Variants in UBE2F observed in about 807,000 individuals in gnomAD.
UBE2F encodes NEDD8-conjugating enzyme UBE2F.
Under a neutral mutation model 29.6 loss-of-function variants are expected in UBE2F, and 5 were observed. The observed-to-expected ratio is 0.17, with a 90% CI of 0.09 to 0.36. The LOEUF (loss-of-function observed/expected upper bound fraction) is 0.36, where lower values mean the gene tolerates loss of function less well. Ranked by LOEUF, UBE2F falls within the 10% of genes least tolerant of loss-of-function variation. UBE2F has a pLI of 1.00. For synonymous variants in UBE2F, 66 were observed against 81.8 expected (o/e 0.81, Z 1.04); for missense variants, 141 against 228.5 (o/e 0.62, Z 2.47).
At position 238,042,558 on chromosome 2, in the gene UBE2F, G is replaced by T. The variant is rs2064853449; in HGVS notation, c.*1220G>T. ...CTCCAGCATGTAGACATTTGAACCA[G>T]TGAAATCAAACACAAAATAAATGTC... On this transcript the variant is annotated 3_prime_UTR_variant, in exon 10 of 10. Transcript: ENST00000272930. 1 of 152,264 alleles carries T rather than the reference G, an allele frequency of 6.6e-6. No individual in the cohort carries two copies. Among genetic ancestry groups the T allele is most frequent in the South Asian group, 2.1e-4 (1 of 4,828 alleles). The allele number at this position is 152,264 out of a possible 1,614,324, so 9.4% of individuals were successfully genotyped here.
chr2:237,984,775 T>TTTTTG (rs2063445189), intron 2 of UBE2F, among the ~76,000 whole-genome samples: 1 of 152,080 alleles, frequency 6.6e-6, no homozygotes, highest in Non-Finnish European at 1.5e-5. Context: ...AACAAGAAGG[T>TTTTTG]TTTTGTTTTG....
At chr2:237,990,402 CCTT>C (rs1022263232) in intron 3 of UBE2F, 1 of 453,128 alleles carries the variant, frequency 2.2e-6, no homozygotes, top group African/African-American at 2.1e-5. Context: ...TACATGTAAA[CCTT>C]TTTTTTTTTT....
At chr2:237,994,950 A>G in intron 4 of UBE2F, 141 bp downstream of exon 4, 1 of 653,952 alleles carries the variant, frequency 1.5e-6, no homozygotes, top group Non-Finnish European at 2.7e-6. Context: ...AAGATAAGAT[A>G]TATACTTCAT....
chr2:237,983,617 A>G (rs919109959), intron 2 of UBE2F, among the ~76,000 whole-genome samples: 3 of 152,022 alleles, frequency 2.0e-5, no homozygotes, highest in African/African-American at 7.2e-5. Context: ...TCTGGCCTCC[A>G]TTGCCCCTTC....
chr2:238,016,694 G>T, intron 5 of UBE2F, 61 bp downstream of exon 5: 1 of 1,462,416 alleles, frequency 6.8e-7, no homozygotes, highest in Admixed American at 1.9e-5. Flanking sequence ...TGTGGCTGTG[G>T]CCCGCCACTG....
At position 238,022,493 on chromosome 2, in the gene UBE2F, G is replaced by A. The variant is rs146887120; in HGVS notation, c.283-2849G>A. On this transcript the variant is annotated intron_variant, in intron 5 of 9. Coordinates refer to ENST00000272930, the MANE Select transcript of UBE2F (RefSeq NM_080678.3). ...ATACTTTCTTTGTTTTGCATTTGCC[G>A]TCTTTAGTCGTTGTTCTATACAAGT... Among the ~76,000 whole-genome samples the A allele has an allele frequency of 9.5e-4, 144 of 152,040 alleles. 1 individual carries two copies. The highest frequency in any genetic ancestry group is 3.3e-3 in the African/African-American group (138 of 41,450).
At chr2:238,007,512 T>C (rs2063933170) in intron 4 of UBE2F, among the ~76,000 whole-genome samples, 1 of 55,860 alleles carries the variant, frequency 1.8e-5, no homozygotes. Flanking sequence ...TGTATATGTA[T>C]GTATGTATTT....
intron 4 of UBE2F, among the ~76,000 whole-genome samples, chr2:238,010,653 C>T (rs1230713974): frequency 6.6e-6 from 1 of 152,198 alleles, no homozygotes; most frequent in Non-Finnish European, 1.5e-5. Flanking sequence ...AACCTCAAGG[C>T]TTCACCCTGT....
intron 4 of UBE2F, 105 bp downstream of exon 4, chr2:237,994,914 T>C (rs2063660304): frequency 1.2e-6 from 1 of 802,676 alleles, no homozygotes; most frequent in Admixed American, 2.2e-5. Flanking sequence ...TTTAAAAGAT[T>C]AACACATTAA....
chr2:238,025,533 G>C (rs1056229373), intron 6 of UBE2F, 121 bp downstream of exon 6: 103 of 892,300 alleles, frequency 1.2e-4, no homozygotes, highest in Non-Finnish European at 1.8e-4. Flanking sequence ...GGAAGGGCTT[G>C]AACTCAGCTG....
rs1301672462 is a variant in UBE2F, at chr2:238,038,360, G to A, written c.507+2420G>A. Among the ~76,000 whole-genome samples the A allele has an allele frequency of 4.6e-5, 7 of 152,198 alleles. No homozygotes were observed. The East Asian group carries it at 5.8e-4, about 13-fold the overall frequency. On this transcript the variant is annotated intron_variant, in intron 9 of 9. Transcript: ENST00000272930. ...CTCCCCATGGGGGCAATCAGTCCCC[G>A]ACCCCTGCCATCCGTCGGTGGTCCT...
intron 6 of UBE2F, among the ~76,000 whole-genome samples, chr2:238,025,722 G>T (rs965230787): frequency 3.3e-5 from 5 of 152,186 alleles, no homozygotes; most frequent in Non-Finnish European, 5.9e-5. Flanking sequence ...TTACATGAGA[G>T]ACCACATTCC....
intron 6 of UBE2F, among the ~76,000 whole-genome samples, chr2:238,029,420 C>T (rs1173387780): frequency 2.6e-5 from 4 of 152,038 alleles, no homozygotes; most frequent in Non-Finnish European, 5.9e-5. Flanking sequence ...AACCCCGTCT[C>T]TACTAAAAAT....
At chr2:237,981,720 G>C (rs1172271142) in intron 2 of UBE2F, among the ~76,000 whole-genome samples, 2 of 141,404 alleles carry the variant, frequency 1.4e-5, no homozygotes, top group African/African-American at 5.2e-5. Flanking sequence ...TCTGCCTCTT[G>C]GGCTCAAGTG....
chr2:238,009,188 A>T (rs1191000383), intron 4 of UBE2F, among the ~76,000 whole-genome samples: 1 of 152,228 alleles, frequency 6.6e-6, no homozygotes, highest in Non-Finnish European at 1.5e-5. Flanking sequence ...CAGTTTGATT[A>T]TAATGTGCTT....
Position 237,998,612 on chromosome 2 carries a change from C to CT in UBE2F, c.214+3819dup, listed in dbSNP as rs34852748. Among the ~76,000 whole-genome samples the CT allele has an allele frequency of 5.7e-3, 801 of 140,238 alleles. 5 individuals are homozygous for CT. The highest frequency in any genetic ancestry group is 8.6e-3 in the Non-Finnish European group (550 of 64,156). The allele number at this position is 140,238 out of a possible 152,430, so 92.0% of individuals were successfully genotyped here. A position where few individuals can be genotyped will look rare whatever the true frequency, so the allele number is the denominator to read the frequency against. On this transcript the variant is annotated intron_variant, in intron 4 of 9. Transcript: ENST00000272930. ...AGCTATGAGGTTTGACTGCCGTGAG[C>CT]TTTTTTTTTTTTTTTTACAAGCTTT...
Position 237,967,080 on chromosome 2 carries a change from A to T in UBE2F, c.-69A>T, listed in dbSNP as rs1559194652. On this transcript the variant is annotated 5_prime_UTR_variant, in exon 1 of 10. Transcript: ENST00000272930. This position sits in a 1 kb window ranked among gnomAD's most constrained non-coding sequence, Gnocchi z 6.3. ...GCCGCGTCTCGCAGCAGCCGCCCGGACCGGGCATGGTGTTGGGCGCCGGGC... is the reference window on the plus strand; with the variant it reads ...GCCGCGTCTCGCAGCAGCCGCCCGGTCCGGGCATGGTGTTGGGCGCCGGGC... 3.8e-6 allele frequency: 5 copies of T among 1,332,952 alleles called. No individual in the cohort carries two copies. The highest frequency in any genetic ancestry group is 4.8e-6 in the Non-Finnish European group (5 of 1,039,562). 82.6% of individuals were successfully genotyped at this position (1,332,952 alleles called of 1,614,324 possible). A position where few individuals can be genotyped will look rare whatever the true frequency, so the allele number is the denominator to read the frequency against.
intron 2 of UBE2F, among the ~76,000 whole-genome samples, chr2:237,977,660 G>A (rs1273163210): frequency 1.3e-5 from 2 of 152,146 alleles, no homozygotes; most frequent in South Asian, 2.1e-4. Flanking sequence ...GTGCTGTGGA[G>A]GCTGCTGTGG....
chr2:238,002,573 G>C (rs1258155894), intron 4 of UBE2F, among the ~76,000 whole-genome samples: 1 of 151,604 alleles, frequency 6.6e-6, no homozygotes, highest in Non-Finnish European at 1.5e-5. Context: ...ATTACAGTTG[G>C]TAAACCTGAA....
Sources: allele counts gnomAD v4.1 joint callset (sites outside exome capture counted in the v4.1 genomes callset), GRCh38; gene constraint gnomAD v4.1.1; non-coding constraint Gnocchi (gnomAD v3.1); transcripts MANE v1.5; gene names NCBI Gene and HGNC (gene_info 2026-07-23, HGNC 2026-07-21).